The following CLSTN2 variants were observed in gnomAD, a reference collection of about 807,000 sequenced individuals.
The protein encoded by CLSTN2 is calsyntenin 2.
Under a neutral mutation model 101.2 loss-of-function variants are expected in CLSTN2, and 48 were observed. The observed-to-expected ratio is 0.47, with a 90% CI of 0.38 to 0.60. The LOEUF (loss-of-function observed/expected upper bound fraction) is 0.60, where lower values mean the gene tolerates loss of function less well. CLSTN2 is among the 20% of genes least tolerant of loss of function. CLSTN2 has a pLI of 0.00. For synonymous variants in CLSTN2, 481 were observed against 463.6 expected (o/e 1.04, Z -0.48); for missense variants, 1,160 against 1,238.2 (o/e 0.94, Z 0.95).
At chr3:140,382,485 T>A (rs9848829) in intron 2 of CLSTN2, among the ~76,000 whole-genome samples, 49,072 of 152,128 alleles carry the variant, frequency 0.32, 8,751 homozygotes, top group East Asian at 0.74. Context: ...TAAGCAAATC[T>A]GTCAGGGAAG....
Position 140,168,615 on chromosome 3 carries a change from G to T in CLSTN2, c.110-7336G>T, listed in dbSNP as rs78952941. On this transcript the variant is annotated intron_variant, in intron 1 of 16. Transcript: ENST00000458420. ...TTTTCTGATATGCTTTATTTTAAAG[G>T]TTTTATAATTTTGACTTCTACATTC... Among the ~76,000 whole-genome samples, 376 of 152,012 alleles carry T rather than the reference G, an allele frequency of 2.5e-3. 2 individuals carry two copies. Among genetic ancestry groups the T allele is most frequent in the Middle Eastern group, 0.01 (3 of 294 alleles).
At chr3:140,011,320 G>A (rs912212281) in intron 1 of CLSTN2, among the ~76,000 whole-genome samples, 4 of 152,262 alleles carry the variant, frequency 2.6e-5, no homozygotes, top group Non-Finnish European at 4.4e-5. Context: ...CTTGCTTTAG[G>A]AAGTGGTCTC....
Position 140,357,970 on chromosome 3 carries a change from G to A in CLSTN2, c.233-45659G>A, listed in dbSNP as rs1309588138. On this transcript the variant is annotated intron_variant, in intron 2 of 16. Coordinates refer to ENST00000458420, the MANE Select transcript of CLSTN2 (RefSeq NM_022131.3). ...TAATGTAAAGTGCCCTGGCAAGAAT[G>A]TCTCTCCCTGTTATAGCATGAGCCA... Among the ~76,000 whole-genome samples the A allele has an allele frequency of 2.0e-5, 3 of 152,296 alleles. No individual in the cohort carries two copies. The East Asian group carries it at 5.8e-4, about 29-fold the overall frequency.
intron 1 of CLSTN2, among the ~76,000 whole-genome samples, chr3:140,115,553 A>G (rs931568665): frequency 6.6e-6 from 1 of 152,176 alleles, no homozygotes; most frequent in Non-Finnish European, 1.5e-5. Context: ...AAGGGCAGGG[A>G]GAAAAAGGCC....
At chr3:140,163,836 T>G (rs1209151002) in intron 1 of CLSTN2, among the ~76,000 whole-genome samples, 2 of 151,934 alleles carry the variant, frequency 1.3e-5, no homozygotes, top group Non-Finnish European at 2.9e-5. Context: ...GGCTGGCACA[T>G]AGTAGGCCCT....
chr3:140,228,540 T>C (rs372240185), intron 2 of CLSTN2, among the ~76,000 whole-genome samples: 110 of 152,358 alleles, frequency 7.2e-4, no homozygotes, highest in African/African-American at 2.4e-3. Context: ...CAAAGTTGCT[T>C]GCACATTTTT....
intron 12 of CLSTN2, among the ~76,000 whole-genome samples, chr3:140,560,323 C>T (rs960568671): frequency 6.6e-6 from 1 of 152,190 alleles, no homozygotes; most frequent in Admixed American, 6.5e-5. Context: ...GCTGTCAATA[C>T]CAAAGACAGG....
intron 1 of CLSTN2, among the ~76,000 whole-genome samples, chr3:140,127,445 G>T (rs2009453699): frequency 6.6e-6 from 1 of 152,184 alleles, no homozygotes; most frequent in Admixed American, 6.5e-5. Flanking sequence ...TTACTAATAT[G>T]CTGCAGCCTA....
At chr3:140,185,404 C>CAAG (rs1345109311) in intron 2 of CLSTN2, among the ~76,000 whole-genome samples, 1 of 152,148 alleles carries the variant, frequency 6.6e-6, no homozygotes, top group East Asian at 1.9e-4. Context: ...CAACAAGCTC[C>CAAG]AAGCTTAAAG....
intron 1 of CLSTN2, among the ~76,000 whole-genome samples, chr3:140,094,700 C>A (rs2008838980): frequency 6.6e-6 from 1 of 152,170 alleles, no homozygotes; most frequent in African/African-American, 2.4e-5. Flanking sequence ...CTTTAGTCTG[C>A]AGCAGCAGTG....
rs150010064 is a variant in CLSTN2, at chr3:140,421,189, C to T, written c.702C>T (p.Thr234=). 3.1e-4 allele frequency: 503 copies of T among 1,614,064 alleles called. 1 individual carries two copies. In the Middle Eastern group the frequency reaches 3.1e-3, roughly 10 times the overall value. ...AACACCAGTATGAGATCCTGGTGAC[C>T]GCCTACGACTGTGGACAGAAGCCCG... The part of the protein sequence containing the change: ...DKQHQYEILV[T]AYDCGQKPAA... Residue 234 remains threonine (T), a synonymous_variant, in exon 5 of 17, where the codon ACC becomes ACT. Coordinates refer to ENST00000458420, the MANE Select transcript of CLSTN2 (RefSeq NM_022131.3).
At chr3:140,269,557 C>T (rs1265653351) in intron 2 of CLSTN2, among the ~76,000 whole-genome samples, 1 of 152,152 alleles carries the variant, frequency 6.6e-6, no homozygotes, top group African/African-American at 2.4e-5. Flanking sequence ...ACAGAGAGGG[C>T]CAAGCCTGTG....
At chr3:140,480,148 A>G (rs1442154958) in intron 8 of CLSTN2, among the ~76,000 whole-genome samples, 1 of 142,384 alleles carries the variant, frequency 7.0e-6, no homozygotes, top group Non-Finnish European at 1.5e-5. Flanking sequence ...TCCTGTGTCC[A>G]TGTGTTCTCA....
chr3:140,511,186 A>C (rs1229414301), intron 8 of CLSTN2, among the ~76,000 whole-genome samples: 1 of 152,216 alleles, frequency 6.6e-6, no homozygotes, highest in Non-Finnish European at 1.5e-5. Context: ...ATGTCGCTGC[A>C]AAGGACATGA....
chr3:140,362,206 A>AT (rs1259536884), intron 2 of CLSTN2, among the ~76,000 whole-genome samples: 1 of 152,228 alleles, frequency 6.6e-6, no homozygotes, highest in Non-Finnish European at 1.5e-5. Context: ...TGCCAAGTTA[A>AT]TGTAATGAAG....
intron 10 of CLSTN2, among the ~76,000 whole-genome samples, chr3:140,556,295 A>G (rs1029591294): frequency 2.0e-5 from 3 of 152,146 alleles, no homozygotes; most frequent in African/African-American, 7.2e-5. Flanking sequence ...CAGTCCCTGG[A>G]AAGACCTCAT....
intron 1 of CLSTN2, among the ~76,000 whole-genome samples, chr3:140,094,971 A>G (rs550755473): frequency 2.6e-4 from 40 of 152,266 alleles, no homozygotes; most frequent in Non-Finnish European, 5.3e-4. Flanking sequence ...TGGGACTTCA[A>G]GGTCTCAAAA....
intron 2 of CLSTN2, among the ~76,000 whole-genome samples, chr3:140,221,852 CT>C (rs1366751616): frequency 6.6e-6 from 1 of 151,930 alleles, no homozygotes; most frequent in Non-Finnish European, 1.5e-5. Context: ...AAAGGGAATC[CT>C]TATACACTAT....
At chr3:140,035,889 G>C (rs2007642020) in intron 1 of CLSTN2, among the ~76,000 whole-genome samples, 2 of 152,092 alleles carry the variant, frequency 1.3e-5, no homozygotes, top group African/African-American at 4.8e-5. Flanking sequence ...TGCTACCTTT[G>C]GAGCTCTTTT....
Sources: allele counts gnomAD v4.1 joint callset (sites outside exome capture counted in the v4.1 genomes callset), GRCh38; gene constraint gnomAD v4.1.1; transcripts MANE v1.5; gene names NCBI Gene and HGNC (gene_info 2026-07-23, HGNC 2026-07-21).